LRIG1: variants seen among roughly 807,000 people sequenced by gnomAD.
The protein encoded by LRIG1 is leucine-rich repeats and immunoglobulin-like domains protein 1.
Under a neutral mutation model 99.2 loss-of-function variants are expected in LRIG1, and 48 were observed. The ratio of observed to expected loss-of-function variants is 0.48; its 90% CI spans 0.38 to 0.62. The LOEUF is 0.62. Among genes scored for constraint, LRIG1 ranks in the 20% least tolerant of loss-of-function variants. The probability of loss-of-function intolerance (pLI) is 0.00; values close to 1 mark genes in which losing one functional copy is unlikely to be tolerated. For missense variants in LRIG1, 1,646 were observed against 1,434.4 expected (o/e 1.15, Z -2.38); for synonymous variants, 772 against 596.1 (o/e 1.29, Z -4.30).
chr3:66,381,651 C>A lies in LRIG1; in HGVS notation c.2618-20G>T, dbSNP rs752397905. 9 of 1,604,666 alleles carry A rather than the reference C, an allele frequency of 5.6e-6. No individual in the cohort carries two copies. Among genetic ancestry groups the A allele is most frequent in the Non-Finnish European group, 6.8e-6 (8 of 1,172,310 alleles). On this transcript the variant is annotated intron_variant, in intron 16 of 18. Coordinates refer to ENST00000273261, the MANE Select transcript of LRIG1 (RefSeq NM_015541.3). ...ACACACCTGCAAGTGGATTCCAACA[C>A]GATTAGAAACTCTGGGCTTGGTATT...
chr3:66,493,968 A>G (rs1701169630), intron 1 of LRIG1, among the ~76,000 whole-genome samples: 1 of 150,944 alleles, frequency 6.6e-6, no homozygotes, highest in Admixed American at 6.6e-5. Flanking sequence ...AAAGAAAAAG[A>G]AAAGAAAGAG....
At position 66,417,158 on chromosome 3, in the gene LRIG1, G is replaced by A; in HGVS notation, c.474C>T (p.Cys158=). Residue 158 remains cysteine, a synonymous_variant, in exon 4 of 19, where the codon TGC becomes TGT. Coordinates refer to ENST00000273261, the MANE Select transcript of LRIG1 (RefSeq NM_015541.3). The stretch of plus-strand genomic sequence containing the variant: ...CCTTTATAGGCGGTCCGTGTGGAAA[G>A]CAGGTGTTCCGCACTTCCGTGATGT... ...LNNITEVRNT[C]FPHGPPIKEL... The A allele has an allele frequency of 6.2e-7, 1 of 1,614,206 alleles. No homozygotes were observed. The highest frequency in any genetic ancestry group is 1.3e-5 in the African/African-American group (1 of 75,066).
intron 13 of LRIG1, 145 bp from the exon 14 acceptor site, chr3:66,384,417 C>T (rs1158212137): frequency 8.2e-6 from 7 of 856,392 alleles, no homozygotes; most frequent in Non-Finnish European, 1.3e-5. Flanking sequence ...ACTCCTGCCA[C>T]CTGTGAATCA....
chr3:66,440,299 C>G (rs1288915552), intron 3 of LRIG1, among the ~76,000 whole-genome samples: 1 of 152,106 alleles, frequency 6.6e-6, no homozygotes, highest in Non-Finnish European at 1.5e-5. Flanking sequence ...TTTTTTTAAG[C>G]TCCCTAGGTC....
intron 1 of LRIG1, among the ~76,000 whole-genome samples, chr3:66,466,903 T>C (rs538737621): frequency 2.0e-5 from 3 of 152,358 alleles, no homozygotes; most frequent in Admixed American, 6.5e-5. Context: ...TTACTGCCAA[T>C]TGCAGCTTTA....
chr3:66,434,755 T>TAAAAAAA (rs71616222), intron 3 of LRIG1, among the ~76,000 whole-genome samples: 1 of 100,264 alleles, frequency 1.0e-5, no homozygotes, highest in African/African-American at 3.2e-5. Context: ...TCAAAAAAAT[T>TAAAAAAA]AAAAAAAAAA....
chr3:66,486,310 T>C (rs757084929), intron 1 of LRIG1, among the ~76,000 whole-genome samples: 5 of 152,106 alleles, frequency 3.3e-5, no homozygotes, highest in Non-Finnish European at 7.4e-5. Flanking sequence ...AAAAGGAAAC[T>C]GAAGTGGAGT....
intron 3 of LRIG1, among the ~76,000 whole-genome samples, chr3:66,418,003 G>A (rs1434208599): frequency 6.6e-6 from 1 of 152,050 alleles, no homozygotes; most frequent in Non-Finnish European, 1.5e-5. Context: ...ACCACATAAA[G>A]CATGTGGCAA....
At position 66,382,283 on chromosome 3, in the gene LRIG1, A is replaced by T; in HGVS notation, c.2607T>A (p.Ile869=). Reference sequence around the variant, plus strand: ...TTACTGAGGCCTTACCATTGCTCTCAATGTGCCCATTGGCCTGAGGGCCAC... The same window carrying T: ...TTACTGAGGCCTTACCATTGCTCTCTATGTGCCCATTGGCCTGAGGGCCAC... The part of the protein sequence containing the change: ...TEGGPQANGH[I]ESNGVCPRDA... The change falls in exon 16 of 19, where the codon ATT becomes ATA. Residue 869 remains isoleucine, a synonymous_variant. Transcript: ENST00000273261. 6.2e-7 allele frequency: 1 copy of T among 1,614,134 alleles called. No homozygotes were observed. Among genetic ancestry groups the T allele is most frequent in the Middle Eastern group, 1.6e-4 (1 of 6,062 alleles).
intron 12 of LRIG1, among the ~76,000 whole-genome samples, chr3:66,390,327 T>C (rs1018014459): frequency 3.3e-5 from 5 of 152,182 alleles, no homozygotes; most frequent in African/African-American, 9.6e-5. Context: ...GCAATAAATA[T>C]TTCATTTTTG....
chr3:66,470,179 T>C (rs1347287782), intron 1 of LRIG1, among the ~76,000 whole-genome samples: 1 of 152,154 alleles, frequency 6.6e-6, no homozygotes, highest in Non-Finnish European at 1.5e-5. Flanking sequence ...TACCAAGCAT[T>C]CCAATGACCA....
chr3:66,389,471 A>G lies in LRIG1; in HGVS notation c.1469-3170T>C, dbSNP rs145868336. 1.1e-3 allele frequency among the ~76,000 whole-genome samples: 171 copies of G among 152,318 alleles called. 2 individuals are homozygous for G. In the East Asian group the frequency reaches 0.028, roughly 25 times the overall value. ...GATCCAGCTATAGCCTACAAGAGAC[A>G]CAGTGTGGATTCAAAGATACAAATA... is the stretch of plus-strand genomic sequence containing the variant. On this transcript the variant is annotated intron_variant, in intron 12 of 18. Coordinates refer to ENST00000273261, the MANE Select transcript of LRIG1 (RefSeq NM_015541.3).
At chr3:66,444,342 T>C (rs1703647135) in intron 3 of LRIG1, among the ~76,000 whole-genome samples, 1 of 151,696 alleles carries the variant, frequency 6.6e-6, no homozygotes, top group Non-Finnish European at 1.5e-5. Flanking sequence ...CCAGGTCTGT[T>C]CTGTCCGTGG....
At chr3:66,394,737 T>C (rs897802263) in intron 11 of LRIG1, among the ~76,000 whole-genome samples, 1 of 152,122 alleles carries the variant, frequency 6.6e-6, no homozygotes. Context: ...TTTTGCCTCA[T>C]GGCTGTTCCT....
chr3:66,445,152 A>C (rs1438347405), intron 3 of LRIG1, among the ~76,000 whole-genome samples: 5 of 151,590 alleles, frequency 3.3e-5, no homozygotes, highest in Non-Finnish European at 7.4e-5. Context: ...GGAGTCATTC[A>C]CTCTTAACTC....
chr3:66,475,017 TTC>T (rs1700688923), intron 1 of LRIG1, among the ~76,000 whole-genome samples: 1 of 152,172 alleles, frequency 6.6e-6, no homozygotes, highest in Non-Finnish European at 1.5e-5. Flanking sequence ...AGCCATTCAA[TTC>T]ACAGAGCATC....
In LRIG1 at chr3:66,380,278, C is replaced by A; in HGVS notation, c.3267G>T (p.Leu1089Phe). The A allele has an allele frequency of 6.2e-7, 1 of 1,612,002 alleles. No individual in the cohort carries two copies. The highest frequency in any genetic ancestry group is 1.1e-5 in the South Asian group (1 of 90,928). Residue 1089 changes from leucine to phenylalanine, a missense_variant, in exon 19 of 19, where the codon TTG becomes TTT. Physicochemically the swap from Leu to Phe is conservative, Grantham distance 22. Transcript: ENST00000273261. ...LPGKQRVPLLLAPKS is the reference protein window; with the variant it reads ...LPGKQRVPLLFAPKS ...TAGACAAAACCTAGCTTTTTGGTGC[C>A]AACAGCAGTGGCACCCTCTGTTTCC...
intron 9 of LRIG1, among the ~76,000 whole-genome samples, chr3:66,400,550 G>A (rs1306702018): frequency 6.6e-6 from 1 of 152,080 alleles, no homozygotes; most frequent in East Asian, 1.9e-4. Flanking sequence ...AGGTGGGCAG[G>A]AGAGGAAGCC....
At chr3:66,496,528 T>C (rs573098254) in intron 1 of LRIG1, among the ~76,000 whole-genome samples, 4 of 152,298 alleles carry the variant, frequency 2.6e-5, no homozygotes, top group African/African-American at 9.6e-5. Flanking sequence ...GACTCTGAGC[T>C]CAAGCTAAAG....
Sources: gnomAD v4.1 joint callset for allele counts (sites outside exome capture counted in the v4.1 genomes callset) on GRCh38, gnomAD v4.1.1 for gene constraint, MANE v1.5 for transcripts, NCBI Gene and HGNC (gene_info 2026-07-23, HGNC 2026-07-21) for gene names.